Variants in SYT6 observed in about 807,000 individuals in gnomAD.
The protein encoded by SYT6 is synaptotagmin 6.
SYT6 carries 24 observed loss-of-function variants against 38.4 expected under a neutral mutation model. That is an observed-to-expected ratio of 0.62 (90% CI 0.45 to 0.88). The LOEUF (loss-of-function observed/expected upper bound fraction) is 0.88. SYT6 is among the 40% of genes least tolerant of loss of function. The probability of loss-of-function intolerance (pLI) is 0.00; values close to 1 mark genes in which losing one functional copy is unlikely to be tolerated. For synonymous variants in SYT6, 265 were observed against 241.9 expected (o/e 1.10, Z -0.89); for missense variants, 611 against 621.0 (o/e 0.98, Z 0.17).
chr1:114,136,117 T>C (rs947811284), intron 3 of SYT6, among the ~76,000 whole-genome samples: 3 of 152,140 alleles, frequency 2.0e-5, no homozygotes, highest in African/African-American at 4.8e-5. Context: ...CTGGTCAAAG[T>C]CAGCACAAGC....
At chr1:114,129,675 T>C (rs1250279981) in intron 3 of SYT6, among the ~76,000 whole-genome samples, 1 of 143,166 alleles carries the variant, frequency 7.0e-6, no homozygotes, top group East Asian at 2.1e-4. Flanking sequence ...CTTTCTTTCT[T>C]TTTCTTTCTT....
intron 3 of SYT6, among the ~76,000 whole-genome samples, chr1:114,110,264 A>T (rs955729209): frequency 6.6e-6 from 1 of 152,196 alleles, no homozygotes; most frequent in Non-Finnish European, 1.5e-5. Context: ...GGATCTGGAG[A>T]GATAGTAATG....
At chr1:114,105,120 A>G (rs1257179459) in intron 3 of SYT6, among the ~76,000 whole-genome samples, 1 of 152,184 alleles carries the variant, frequency 6.6e-6, no homozygotes, top group Non-Finnish European at 1.5e-5. Flanking sequence ...ATCAAGGAGA[A>G]CAAAAGGCAG....
chr1:114,137,726 C>T lies in SYT6; in HGVS notation c.840G>A (p.Lys280=), dbSNP rs1571888139. 10 of 1,614,044 alleles carry T rather than the reference C, an allele frequency of 6.2e-6. No homozygotes were observed. Among genetic ancestry groups the T allele is most frequent in the African/African-American group, 2.7e-5 (2 of 74,894 alleles). ...TCTTGCGGTGCACCCGGGTCTGCAG[C>T]TTGCATTTGCGGTCAGGCAGGAGGT... ...KIYLLPDRKC[K]LQTRVHRKTL... Residue 280 remains lysine (K), a synonymous_variant, in exon 3 of 8, where the codon AAG becomes AAA. Transcript: ENST00000610222.
intron 1 of SYT6, among the ~76,000 whole-genome samples, chr1:114,141,719 C>T (rs556450788): frequency 2.6e-5 from 4 of 152,268 alleles, no homozygotes; most frequent in South Asian, 4.1e-4. Flanking sequence ...GAAGTCAATG[C>T]CTGGCTTCAA....
chr1:114,136,521 G>T (rs1254578260), intron 3 of SYT6, among the ~76,000 whole-genome samples: 1 of 152,198 alleles, frequency 6.6e-6, no homozygotes, highest in Non-Finnish European at 1.5e-5. Flanking sequence ...CAACCCAGGG[G>T]ACTGGAGCGA....
intron 3 of SYT6, among the ~76,000 whole-genome samples, chr1:114,126,421 G>A (rs1170503009): frequency 6.6e-6 from 1 of 152,174 alleles, no homozygotes; most frequent in Non-Finnish European, 1.5e-5. Flanking sequence ...GCTGATCTAG[G>A]AAACTGCATT....
intron 3 of SYT6, 65 bp from the exon 4 acceptor site, chr1:114,103,786 A>G (rs1676106670): frequency 6.4e-7 from 1 of 1,570,010 alleles, no homozygotes; most frequent in South Asian, 1.2e-5. Context: ...TGTCCAGTGC[A>G]GTATCTGCTG....
chr1:114,145,909 C>A (rs1318257065), intron 1 of SYT6, among the ~76,000 whole-genome samples: 1 of 152,114 alleles, frequency 6.6e-6, no homozygotes, highest in East Asian at 1.9e-4. Context: ...TGGGGCAGGA[C>A]AATGAGGTTT....
intron 6 of SYT6, among the ~76,000 whole-genome samples, chr1:114,094,072 A>C (rs1342264394): frequency 6.6e-6 from 1 of 152,190 alleles, no homozygotes; most frequent in Non-Finnish European, 1.5e-5. Flanking sequence ...AAAGGACTAC[A>C]CAGAGTGTCT....
chr1:114,135,106 C>A (rs1261779636), intron 3 of SYT6, among the ~76,000 whole-genome samples: 1 of 152,018 alleles, frequency 6.6e-6, no homozygotes, highest in African/African-American at 2.4e-5. Flanking sequence ...GAAGGAACAT[C>A]CAGCTCAGAC....
intron 3 of SYT6, among the ~76,000 whole-genome samples, chr1:114,119,705 C>T (rs988618889): frequency 6.6e-6 from 1 of 152,182 alleles, no homozygotes; most frequent in African/African-American, 2.4e-5. Context: ...AATTGTTCAC[C>T]CAATGCTTCT....
At position 114,097,151 on chromosome 1, in the gene SYT6, C is replaced by T. The variant is rs534388338; in HGVS notation, c.1515+576G>A. ...TCCCAGCCCAGTGCTGTCTCCATTA[C>T]GTCTCTGTTAGAACCCAACGCAACC... On this transcript the variant is annotated intron_variant, in intron 6 of 7. Coordinates refer to ENST00000610222, the MANE Select transcript of SYT6 (RefSeq NM_001253772.2). 1.1e-4 allele frequency among the ~76,000 whole-genome samples: 16 copies of T among 152,354 alleles called. No homozygotes were observed. In the East Asian group the frequency reaches 1.9e-3, roughly 18 times the overall value.
intron 3 of SYT6, among the ~76,000 whole-genome samples, chr1:114,106,846 C>A: frequency 6.6e-6 from 1 of 152,174 alleles, no homozygotes; most frequent in Non-Finnish European, 1.5e-5. Context: ...GCTGTGCCCC[C>A]CAGCATCTAG....
In SYT6 at chr1:114,139,826, G is replaced by C. The variant is rs769194329; in HGVS notation, c.301C>G (p.Pro101Ala). 3.7e-5 allele frequency: 60 copies of C among 1,601,290 alleles called. No individual in the cohort carries two copies. The highest frequency in any genetic ancestry group is 5.1e-5 in the Non-Finnish European group (60 of 1,173,182). ...GGGCTCTGGAGGGCTTCCAAGGGGG[G>C]ATTAGCAGAAGAGGGACTGGAGGCC... is the stretch of plus-strand genomic sequence containing the variant. ...KEASSPSSAN[P>A]PLEALQSPSF... Residue 101 changes from proline to alanine, a missense_variant, in exon 2 of 8, where the codon CCC becomes GCC. Transcript: ENST00000610222.
At chr1:114,145,683 T>C (rs1183477365) in intron 1 of SYT6, among the ~76,000 whole-genome samples, 2 of 152,142 alleles carry the variant, frequency 1.3e-5, no homozygotes, top group Non-Finnish European at 2.9e-5. Context: ...GTTACAGCTG[T>C]TCTGGATGCA....
intron 3 of SYT6, among the ~76,000 whole-genome samples, chr1:114,105,411 C>G (rs1676233213): frequency 6.6e-6 from 1 of 150,750 alleles, no homozygotes; most frequent in Non-Finnish European, 1.5e-5. Flanking sequence ...CCCTCTTTTC[C>G]TAGCCCTAGA....
At chr1:114,122,906 A>T (rs1414319327) in intron 3 of SYT6, among the ~76,000 whole-genome samples, 24 of 152,136 alleles carry the variant, frequency 1.6e-4, no homozygotes, top group Non-Finnish European at 4.4e-5. Context: ...CTTGAGCCCT[A>T]ATCCCCTACT....
intron 1 of SYT6, among the ~76,000 whole-genome samples, chr1:114,147,688 T>C (rs2101121500): frequency 6.6e-6 from 1 of 152,356 alleles, no homozygotes; most frequent in Middle Eastern, 3.4e-3. Flanking sequence ...ATCATCTTCA[T>C]TGCTTTCTAA....
Sources: gnomAD v4.1 joint callset for allele counts (sites outside exome capture counted in the v4.1 genomes callset) on GRCh38, gnomAD v4.1.1 for gene constraint, MANE v1.5 for transcripts, NCBI Gene and HGNC (gene_info 2026-07-23, HGNC 2026-07-21) for gene names.